Variants in DPYSL3 observed in about 807,000 individuals in gnomAD.
The protein encoded by DPYSL3 is dihydropyrimidinase-related protein 3.
DPYSL3 carries 16 observed loss-of-function variants against 66.1 expected under a neutral mutation model. The observed-to-expected ratio is 0.24, with a 90% CI of 0.16 to 0.37. The LOEUF is 0.37. Among genes scored for constraint, DPYSL3 ranks in the 10% least tolerant of loss-of-function variants. DPYSL3 has a pLI of 1.00. For missense variants in DPYSL3, 738 were observed against 916.2 expected (o/e 0.81, Z 2.51); for synonymous variants, 338 against 345.1 (o/e 0.98, Z 0.23).
chr5:147,476,578 T>C (rs1012738904), intron 1 of DPYSL3, among the ~76,000 whole-genome samples: 7 of 152,128 alleles, frequency 4.6e-5, no homozygotes, highest in Non-Finnish European at 1.0e-4. Flanking sequence ...TTGGTCCATA[T>C]CAAAGGGGGA....
At position 147,391,608 on chromosome 5, in the gene DPYSL3, C is replaced by T. The variant is rs554770643; in HGVS notation, c.*2427G>A. ...AGTGAATTCGAAGAGGGCCGGGACT[C>T]ACCATTGTTTTCTTTTCCTAAACCT... On this transcript the variant is annotated 3_prime_UTR_variant, in exon 14 of 14. Coordinates refer to ENST00000343218, the MANE Select transcript of DPYSL3 (RefSeq NM_001197294.2). 1 of 152,342 alleles carries T rather than the reference C, an allele frequency of 6.6e-6. No individual in the cohort carries two copies. Among genetic ancestry groups the T allele is most frequent in the South Asian group, 2.1e-4 (1 of 4,814 alleles). The allele number at this position is 152,342 out of a possible 1,614,324, so 9.4% of individuals were successfully genotyped here.
At chr5:147,478,359 G>A (rs142549721) in intron 1 of DPYSL3, among the ~76,000 whole-genome samples, 85 of 152,248 alleles carry the variant, frequency 5.6e-4, no homozygotes, top group African/African-American at 1.8e-3. Context: ...AAAAATCAGG[G>A]TTGCCTCAGT....
At chr5:147,490,062 G>A (rs1267600402) in intron 1 of DPYSL3, among the ~76,000 whole-genome samples, 3 of 151,882 alleles carry the variant, frequency 2.0e-5, no homozygotes, top group Non-Finnish European at 4.4e-5. Context: ...TATGGCCCCT[G>A]CACCCCATCT....
rs182566783 is a variant in DPYSL3 at position 147,479,400 on chromosome 5, C to A, written c.381+30078G>T. Among the ~76,000 whole-genome samples the A allele has an allele frequency of 6.6e-4, 101 of 152,282 alleles. 1 individual carries two copies. Among genetic ancestry groups the A allele is most frequent in the African/African-American group, 2.4e-3 (99 of 41,550 alleles). On this transcript the variant is annotated intron_variant, in intron 1 of 13. Coordinates refer to ENST00000343218, the MANE Select transcript of DPYSL3 (RefSeq NM_001197294.2). Reference sequence around the variant, plus strand: ...TTCTAAGAGATGCTGCAACATAAATCCCTAGTGCACAGGACAACTGTTTAG... The same window carrying A: ...TTCTAAGAGATGCTGCAACATAAATACCTAGTGCACAGGACAACTGTTTAG...
intron 2 of DPYSL3, among the ~76,000 whole-genome samples, chr5:147,423,177 A>T (rs574788360): frequency 6.6e-6 from 1 of 152,280 alleles, no homozygotes; most frequent in South Asian, 2.1e-4. Flanking sequence ...ACATAAAATC[A>T]ATTGTGGCTT....
chr5:147,408,881 T>A, intron 6 of DPYSL3, 85 bp from the exon 7 acceptor site: 2 of 1,349,316 alleles, frequency 1.5e-6, no homozygotes, highest in Non-Finnish European at 2.1e-6. Context: ...TCTAAAGATC[T>A]AAAGAATAAA....
chr5:147,401,508 A>G (rs779497015), intron 9 of DPYSL3, 32 bp downstream of exon 9: 3 of 1,584,862 alleles, frequency 1.9e-6, no homozygotes, highest in East Asian at 2.3e-5. Flanking sequence ...TGTTTTCACA[A>G]AACGCCTGCT....
At chr5:147,499,238 A>G (rs1010375164) in intron 1 of DPYSL3, among the ~76,000 whole-genome samples, 4 of 152,216 alleles carry the variant, frequency 2.6e-5, no homozygotes, top group African/African-American at 9.6e-5. Context: ...TTATCTATGT[A>G]GAAAATACAA....
intron 1 of DPYSL3, among the ~76,000 whole-genome samples, chr5:147,434,812 C>T (rs1459214542): frequency 6.6e-6 from 1 of 152,144 alleles, no homozygotes; most frequent in Non-Finnish European, 1.5e-5. Flanking sequence ...AGCAGTGAAA[C>T]TGTCCTAGAC....
intron 1 of DPYSL3, chr5:147,453,405 C>T (rs1000970399): frequency 3.9e-6 from 5 of 1,278,308 alleles, no homozygotes; most frequent in Non-Finnish European, 5.1e-6. Context: ...GACTGACCGC[C>T]GCGCTCCGCC....
chr5:147,401,811 A>C (rs1758190270), intron 8 of DPYSL3, 115 bp from the exon 9 acceptor site: 1 of 1,296,148 alleles, frequency 7.7e-7, no homozygotes, highest in Non-Finnish European at 1.0e-6. Context: ...AGTCAGACTG[A>C]CCTGGGTTCA....
chr5:147,429,110 A>C (rs761136196), intron 1 of DPYSL3, among the ~76,000 whole-genome samples: 2 of 152,126 alleles, frequency 1.3e-5, no homozygotes, highest in Non-Finnish European at 1.5e-5. Flanking sequence ...CAATCTTTCT[A>C]ATGTAATTAT....
chr5:147,443,286 A>G (rs975119295), intron 1 of DPYSL3, among the ~76,000 whole-genome samples: 1 of 152,244 alleles, frequency 6.6e-6, no homozygotes, highest in African/African-American at 2.4e-5. Flanking sequence ...TACACCATGG[A>G]ATACTATGCA....
chr5:147,404,882 G>A (rs1462290580), intron 8 of DPYSL3, among the ~76,000 whole-genome samples: 3 of 152,142 alleles, frequency 2.0e-5, no homozygotes, highest in Non-Finnish European at 2.9e-5. Context: ...GGTGTGACCT[G>A]CATCTGCACT....
chr5:147,486,903 C>G (rs1561803561), intron 1 of DPYSL3, among the ~76,000 whole-genome samples: 1 of 152,148 alleles, frequency 6.6e-6, no homozygotes, highest in Non-Finnish European at 1.5e-5. Flanking sequence ...ACTGCATATT[C>G]TTGATCATAT....
At chr5:147,461,991 T>A (rs1235268934) in intron 1 of DPYSL3, among the ~76,000 whole-genome samples, 2 of 152,130 alleles carry the variant, frequency 1.3e-5, no homozygotes, top group Non-Finnish European at 2.9e-5. Flanking sequence ...CCTAAGGGAA[T>A]GGCAGAGGTT....
chr5:147,509,948 T>C lies in DPYSL3; in HGVS notation c.-90A>G, dbSNP rs1283873631. On this transcript the variant is annotated 5_prime_UTR_variant, in exon 1 of 14. Transcript: ENST00000343218. The surrounding 1 kb of genome is among the most constrained non-coding windows in gnomAD (Gnocchi z 5.3). ...AGCGTGCGCCGAGCCACAGTGACTG[T>C]GGCGGGAGGAGGCGCCTGAGCCTTC... 33 of 1,435,352 alleles carry C rather than the reference T, an allele frequency of 2.3e-5. No homozygotes were observed. The highest frequency in any genetic ancestry group is 4.4e-5 in the South Asian group (3 of 67,828). 88.9% of individuals were successfully genotyped at this position (1,435,352 alleles called of 1,614,324 possible).
In DPYSL3 at chr5:147,408,758, T is replaced by C; in HGVS notation, c.1002A>G (p.Pro334=). The C allele has an allele frequency of 6.2e-7, 1 of 1,614,250 alleles. No individual in the cohort carries two copies. The highest frequency in any genetic ancestry group is 8.5e-7 in the Non-Finnish European group (1 of 1,180,028). The change falls in exon 7 of 14, where the codon CCA becomes CCG. Residue 334 remains proline, a synonymous_variant. Coordinates refer to ENST00000343218, the MANE Select transcript of DPYSL3 (RefSeq NM_001197294.2). ...TRMLEMGITG[P]EGHVLSRPEE... is the part of the protein sequence containing the mutation. ...CTGGCCTGCTCAGTACATGGCCTTC[T>C]GGGCCAGTTATCCCCATTTCCAACA...
At chr5:147,452,913 AC>A (rs1177523794) in intron 1 of DPYSL3, among the ~76,000 whole-genome samples, 3 of 151,858 alleles carry the variant, frequency 2.0e-5, no homozygotes, top group Admixed American at 6.6e-5. Flanking sequence ...ACACACACAC[AC>A]ACACACACAC....
Sources: gnomAD v4.1 joint callset for allele counts (sites outside exome capture counted in the v4.1 genomes callset) on GRCh38, gnomAD v4.1.1 for gene constraint, Gnocchi (gnomAD v3.1) non-coding constraint, MANE v1.5 for transcripts, NCBI Gene and HGNC (gene_info 2026-07-23, HGNC 2026-07-21) for gene names.